PRAM1: variants seen among roughly 807,000 people sequenced by gnomAD.
PRAM1 encodes the protein PML-RARA regulated adaptor molecule 1.
A neutral mutation model predicts 55.3 loss-of-function variants in PRAM1; 41 were observed. That is an observed-to-expected ratio of 0.74 (90% CI 0.58 to 0.96). The LOEUF is 0.96. Among genes scored for constraint, PRAM1 ranks in the 40% least tolerant of loss-of-function variants. The probability of loss-of-function intolerance (pLI) is 0.00; values close to 1 mark genes in which losing one functional copy is unlikely to be tolerated. For missense variants in PRAM1, 898 were observed against 892.7 expected, an observed-to-expected ratio of 1.01 and a Z score of -0.08; for synonymous variants, 401 against 387.1, an observed-to-expected ratio of 1.04 and a Z score of -0.42.
chr19:8,496,409 T>C (rs936018096), intron 4 of PRAM1, among the ~76,000 whole-genome samples: 1 of 150,624 alleles, frequency 6.6e-6, no homozygotes, highest in Non-Finnish European at 1.5e-5. Context: ...AGAGCGAGAC[T>C]GTGTCTCCAA....
chr19:8,492,870 G>A (rs751180), intron 4 of PRAM1, among the ~76,000 whole-genome samples: 35,171 of 151,770 alleles, frequency 0.23, 5,084 homozygotes, highest in Admixed American at 0.35. Flanking sequence ...GGTGGTGGGC[G>A]CCCATAATGC....
chr19:8,494,395 C>T (rs917301865), intron 4 of PRAM1, among the ~76,000 whole-genome samples: 5 of 152,174 alleles, frequency 3.3e-5, no homozygotes, highest in Non-Finnish European at 7.3e-5. Context: ...AGGGGCCCCA[C>T]CAGGAAGCTG....
chr19:8,497,641 TG>T (rs1286782259), intron 4 of PRAM1, 122 bp downstream of exon 4: 1 of 738,836 alleles, frequency 1.4e-6, no homozygotes, highest in Non-Finnish European at 2.2e-6. Context: ...GCTCCCCTTA[TG>T]TAGTTCCACC....
At chr19:8,494,594 G>A (rs1971671394) in intron 4 of PRAM1, among the ~76,000 whole-genome samples, 1 of 151,468 alleles carries the variant, frequency 6.6e-6, no homozygotes, top group Non-Finnish European at 1.5e-5. Flanking sequence ...GCCAGGGCAA[G>A]CCCCATCCCA....
At position 8,490,958 on chromosome 19, in the gene PRAM1, TG is replaced by T; in HGVS notation, c.1671del (p.Met558TrpfsTer6). ...EKDPQPQQLP[P>X]MDPKLLKQLR... Reference sequence around the variant, plus strand: ...AGCTGCTTCAGCAACTTTGGGTCCATGGGTGGCAACTGCTGTGGCTGGGGAT... The same window carrying T: ...AGCTGCTTCAGCAACTTTGGGTCCATGGTGGCAACTGCTGTGGCTGGGGAT... On this transcript the variant is annotated frameshift_variant, in exon 6 of 10. Transcript: ENST00000423345. LOFTEE classifies it high-confidence loss of function. The surrounding 1 kb of genome is among the most constrained non-coding windows in gnomAD (Gnocchi z 7.3). 3.1e-6 allele frequency: 5 copies of T among 1,613,768 alleles called. No homozygotes were observed. The highest frequency in any genetic ancestry group is 4.2e-6 in the Non-Finnish European group (5 of 1,179,878).
In PRAM1 at chr19:8,499,587, G is replaced by C; in HGVS notation, c.221C>G (p.Pro74Arg). 1 of 1,564,366 alleles carries C rather than the reference G, an allele frequency of 6.4e-7. No individual in the cohort carries two copies. Among genetic ancestry groups the C allele is most frequent in the Non-Finnish European group, 8.7e-7 (1 of 1,153,660 alleles). The change falls in exon 2 of 10, where the codon CCT (proline) becomes CGT (arginine). Residue 74 changes from proline (P) to arginine (R), a missense_variant. By Grantham distance (103) the Pro-to-Arg change is moderately radical (BLOSUM62 -2). Around this residue, in one of 4 missense-constraint regions of PRAM1, gnomAD observed 79 missense variants for 93.4 expected, o/e 0.85. Transcript: ENST00000423345. ...CTTCTTGGGGAGGTCAGTGACCTCA[G>C]GCGGCGGGGGCTTCAAGGACACTGC... is the stretch of plus-strand genomic sequence containing the variant. ...FGAVSLKPPP[P>R]EVTDLPKKPP... is the part of the protein sequence containing the mutation.
At chr19:8,501,291 T>C (rs1365552630) in intron 1 of PRAM1, among the ~76,000 whole-genome samples, 3 of 146,750 alleles carry the variant, frequency 2.0e-5, no homozygotes, top group African/African-American at 5.0e-5. Context: ...AACAGGGTTT[T>C]ACCATGTTGG....
At chr19:8,491,409 T>G in intron 4 of PRAM1, 1 of 574,544 alleles carries the variant, frequency 1.7e-6, no homozygotes, top group East Asian at 2.9e-5. Context: ...GATTTTTGTA[T>G]TTTTAACACA....
intron 1 of PRAM1, among the ~76,000 whole-genome samples, chr19:8,500,264 C>T (rs1222311884): frequency 1.3e-5 from 2 of 151,942 alleles, no homozygotes; most frequent in African/African-American, 2.4e-5. Context: ...TGAGCCGCCG[C>T]GCCCAGGCCC....
In PRAM1 at chr19:8,491,149, G is replaced by A. The variant is rs1463100789; in HGVS notation, c.1585C>T (p.Pro529Ser). The stretch of plus-strand genomic sequence containing the variant: ...CTCCTGGCGGCTTGCTGAACTGAGG[G>A]CGCTTCATCTGGGGACAGTCAGGAC... ...SPSPKGRDEA[P>S]SVQQAARRPP... The change falls in exon 5 of 10, where the codon CCC (proline) becomes TCC (serine). Residue 529 changes from proline to serine, a missense_variant. Coordinates refer to ENST00000423345, the MANE Select transcript of PRAM1 (RefSeq NM_032152.5). 1 of 1,610,922 alleles carries A rather than the reference G, an allele frequency of 6.2e-7. No homozygotes were observed. Among genetic ancestry groups the A allele is most frequent in the South Asian group, 1.1e-5 (1 of 91,010 alleles).
rs1480418481 is a variant in PRAM1, at chr19:8,499,109, G to A, written c.699C>T (p.Val233=). The part of the protein sequence containing the change: ...VYPKKPPQPQ[V]GGLPKKSVPQ... ...GCACGGACTTCTTAGGGAGGCCACC[G>A]ACCTGAGGCTGCGGAGGCTTTTTGG... Residue 233 remains valine, a synonymous_variant, in exon 2 of 10, where the codon GTC becomes GTT. Transcript: ENST00000423345. The A allele has an allele frequency of 5.6e-6, 9 of 1,613,364 alleles. No individual in the cohort carries two copies. The highest frequency in any genetic ancestry group is 5.3e-5 in the African/African-American group (4 of 74,864).
At chr19:8,491,295 A>G in intron 4 of PRAM1, 138 bp from the exon 5 acceptor site, 1 of 886,150 alleles carries the variant, frequency 1.1e-6, no homozygotes, top group East Asian at 2.6e-5. Context: ...GTGCAATGGC[A>G]CAATCTCGGC....
Position 8,497,652 on chromosome 19 carries a change from C to A in PRAM1, c.1576+112G>T, listed in dbSNP as rs1971717157. On this transcript the variant is annotated intron_variant, in intron 4 of 9. Transcript: ENST00000423345. ...CTGGGCTCCCCTTATGTAGTTCCAC[C>A]CAGCAGGAGCCAGCAGGTCCTAAAA... The A allele has an allele frequency of 6.1e-6, 5 of 826,370 alleles. No individual in the cohort carries two copies. In the Admixed American group the frequency reaches 1.3e-4, roughly 22 times the overall value. 51.2% of individuals were successfully genotyped at this position (826,370 alleles called of 1,614,324 possible).
At position 8,499,295 on chromosome 19, in the gene PRAM1, G is replaced by C; in HGVS notation, c.513C>G (p.Asp171Glu). The C allele has an allele frequency of 6.2e-7, 1 of 1,608,916 alleles. No individual in the cohort carries two copies. Among genetic ancestry groups the C allele is most frequent in the Non-Finnish European group, 8.5e-7 (1 of 1,177,580 alleles). The part of the protein sequence containing the change: ...GAPARKPLQP[D>E]ELSHPARPPS... The stretch of plus-strand genomic sequence containing the variant: ...GGGGTCTGGCGGGGTGACTGAGTTC[G>C]TCGGGCTGCAGGGGTTTCCGGGCCG... The change falls in exon 2 of 10, where the codon GAC (aspartate) becomes GAG (glutamate). Residue 171 changes from aspartate (D) to glutamate (E), a missense_variant. Physicochemically the swap from Asp to Glu is conservative, Grantham distance 45. Around this residue, in one of 4 missense-constraint regions of PRAM1, gnomAD observed 787 missense variants for 735.4 expected, o/e 1.07. Coordinates refer to ENST00000423345, the MANE Select transcript of PRAM1 (RefSeq NM_032152.5).
At position 8,498,838 on chromosome 19, in the gene PRAM1, G is replaced by A. The variant is rs1183244622; in HGVS notation, c.970C>T (p.Pro324Ser). The change falls in exon 2 of 10, where the codon CCC (proline) becomes TCC (serine). Residue 324 changes from proline to serine, a missense_variant. Around this residue, in one of 4 missense-constraint regions of PRAM1, gnomAD observed 787 missense variants for 735.4 expected, o/e 1.07. Coordinates refer to ENST00000423345, the MANE Select transcript of PRAM1 (RefSeq NM_032152.5). ...GTCCTGGGGAGGCCGCCCAGCTCGGGCTGCGGGGGCTTCTTGGAGAGCGCT... is the reference window on the plus strand; with the variant it reads ...GTCCTGGGGAGGCCGCCCAGCTCGGACTGCGGGGGCTTCTTGGAGAGCGCT... ...FKALSKKPPQPELGGLPRTSS... is the reference protein window; with the variant it reads ...FKALSKKPPQSELGGLPRTSS... 4 of 1,602,462 alleles carry A rather than the reference G, an allele frequency of 2.5e-6. No individual in the cohort carries two copies. The highest frequency in any genetic ancestry group is 3.4e-6 in the Non-Finnish European group (4 of 1,174,924).
Position 8,490,079 on chromosome 19 carries a change from G to T in PRAM1, c.*110C>A. On this transcript the variant is annotated 3_prime_UTR_variant, in exon 10 of 10. Coordinates refer to ENST00000423345, the MANE Select transcript of PRAM1 (RefSeq NM_032152.5). This position sits in a 1 kb window ranked among gnomAD's most constrained non-coding sequence, Gnocchi z 7.3. ...ACTGCTTTAAACTGGGGCTTTATGT[G>T]GCCAGGTACAAGCCCAGGCAGCTCT... 9.3e-7 allele frequency: 1 copy of T among 1,070,416 alleles called. No individual in the cohort carries two copies. Among genetic ancestry groups the T allele is most frequent in the Non-Finnish European group, 1.3e-6 (1 of 754,998 alleles). 66.3% of individuals were successfully genotyped at this position (1,070,416 alleles called of 1,614,324 possible). A position where few individuals can be genotyped will look rare whatever the true frequency, so the allele number is the denominator to read the frequency against.
Position 8,490,428 on chromosome 19 carries a change from G to A in PRAM1, c.1940+48C>T, listed in dbSNP as rs373466855. The A allele has an allele frequency of 2.9e-5, 46 of 1,613,470 alleles. No homozygotes were observed. The highest frequency in any genetic ancestry group is 3.5e-5 in the Non-Finnish European group (41 of 1,179,776). Reference sequence around the variant, plus strand: ...CACCGTGGCCCATTCCCCCCACCCTGCACCACACACCCCGCACTCCCCCAC... The same window carrying A: ...CACCGTGGCCCATTCCCCCCACCCTACACCACACACCCCGCACTCCCCCAC... On this transcript the variant is annotated intron_variant, in intron 8 of 9. Coordinates refer to ENST00000423345, the MANE Select transcript of PRAM1 (RefSeq NM_032152.5). This position sits in a 1 kb window ranked among gnomAD's most constrained non-coding sequence, Gnocchi z 7.3.
rs750325097 is a variant in PRAM1, at chr19:8,498,960, T to C, written c.848A>G (p.Lys283Arg). The C allele has an allele frequency of 3.7e-6, 6 of 1,613,710 alleles. No homozygotes were observed. The South Asian group carries it at 6.6e-5, about 18-fold the overall frequency. The change falls in exon 2 of 10, where the codon AAG becomes AGG. Residue 283 changes from lysine to arginine, a missense_variant. Physicochemically the swap from Lys to Arg is conservative, Grantham distance 26 (BLOSUM62 2). Transcript: ENST00000423345. ...CCCAAGCTCAGGCTGCGGAGGCTTCTTGGGAAAGTCACTCAGCGGAGGCTG... is the reference window on the plus strand; with the variant it reads ...CCCAAGCTCAGGCTGCGGAGGCTTCCTGGGAAAGTCACTCAGCGGAGGCTG... ...ASQPPLSDFP[K>R]KPPQPELGDL...
Position 8,490,669 on chromosome 19 carries a change from G to A in PRAM1, c.1831C>T (p.Arg611Trp), listed in dbSNP as rs781661272. ...ATCACCTCCAGGATCTCCCCGCGCC[G>A]GATCCCGAGGTGCTTGCCACCCCCG... Reference protein sequence around the residue: ...RRGGGKHLGIRRGEILEVIEF... With the variant: ...RRGGGKHLGIWRGEILEVIEF... The change falls in exon 7 of 10, where the codon CGG (arginine) becomes TGG (tryptophan). Residue 611 changes from arginine to tryptophan, a missense_variant. Physicochemically the swap from Arg to Trp is moderately radical, Grantham distance 101 (BLOSUM62 -3). Transcript: ENST00000423345. The surrounding 1 kb of genome is among the most constrained non-coding windows in gnomAD (Gnocchi z 7.3). The A allele has an allele frequency of 3.1e-6, 5 of 1,595,912 alleles. No homozygotes were observed. The highest frequency in any genetic ancestry group is 1.1e-5 in the South Asian group (1 of 89,142).
Sources: allele counts gnomAD v4.1 joint callset (sites outside exome capture counted in the v4.1 genomes callset), GRCh38; gene constraint gnomAD v4.1.1; regional missense constraint gnomAD v4.1.1; non-coding constraint Gnocchi (gnomAD v3.1); transcripts MANE v1.5; gene names NCBI Gene and HGNC (gene_info 2026-07-23, HGNC 2026-07-21).